The following CAP2 variants were observed in gnomAD, a reference collection of about 807,000 sequenced individuals.
CAP2 encodes adenylyl cyclase-associated protein 2.
CAP2 carries 24 observed loss-of-function variants against 57.7 expected under a neutral mutation model. The observed-to-expected ratio is 0.42, with a 90% CI of 0.30 to 0.58. The LOEUF is 0.58. Among genes scored for constraint, CAP2 ranks in the 20% least tolerant of loss-of-function variants. The pLI, the probability that CAP2 is intolerant of heterozygous loss-of-function variation, is 0.22. For synonymous variants in CAP2, 194 were observed against 207.2 expected (o/e 0.94, Z 0.55); for missense variants, 501 against 590.3 (o/e 0.85, Z 1.57).
chr6:17,445,318 G>A (rs1175130496), intron 3 of CAP2, among the ~76,000 whole-genome samples: 20 of 152,318 alleles, frequency 1.3e-4, no homozygotes, highest in African/African-American at 4.8e-4. Context: ...CGTTGGCCAG[G>A]CTGGTCTTGA....
chr6:17,442,249 C>T (rs988353588), intron 3 of CAP2, among the ~76,000 whole-genome samples: 23 of 152,154 alleles, frequency 1.5e-4, no homozygotes, highest in African/African-American at 4.3e-4. Context: ...CTGGGTTTCA[C>T]CTCCAAGTTG....
intron 1 of CAP2, among the ~76,000 whole-genome samples, chr6:17,394,868 A>T (rs1758630376): frequency 6.6e-6 from 1 of 152,216 alleles, no homozygotes; most frequent in Non-Finnish European, 1.5e-5. Context: ...TACGGCACCA[A>T]ACAGTATTTG....
chr6:17,476,727 TAGAG>T (rs1264413360), intron 4 of CAP2, among the ~76,000 whole-genome samples: 1 of 152,078 alleles, frequency 6.6e-6, no homozygotes, highest in Non-Finnish European at 1.5e-5. Flanking sequence ...GGAGAGAGGA[TAGAG>T]AAAGATAATC....
At chr6:17,452,151 G>A (rs1581530620) in intron 3 of CAP2, among the ~76,000 whole-genome samples, 2 of 152,290 alleles carry the variant, frequency 1.3e-5, no homozygotes, top group South Asian at 4.1e-4. Flanking sequence ...CAGGGTATAG[G>A]TATTTCAGAT....
In CAP2 at chr6:17,423,503, G is replaced by C. The variant is rs1759499137; in HGVS notation, c.121+1827G>C. On this transcript the variant is annotated intron_variant, in intron 2 of 12. Transcript: ENST00000229922. Reference sequence around the variant, plus strand: ...TTCAGTAACTTTGTTTCATTATACTGTTGGCATCAGATGATTAAAGACATT... The same window carrying C: ...TTCAGTAACTTTGTTTCATTATACTCTTGGCATCAGATGATTAAAGACATT... 5.3e-5 allele frequency among the ~76,000 whole-genome samples: 8 copies of C among 152,108 alleles called. No homozygotes were observed. The South Asian group carries it at 1.7e-3, about 32-fold the overall frequency.
At chr6:17,466,179 T>C (rs1259250323) in intron 4 of CAP2, among the ~76,000 whole-genome samples, 1 of 152,222 alleles carries the variant, frequency 6.6e-6, no homozygotes, top group Non-Finnish European at 1.5e-5. Flanking sequence ...TATTTTCTCA[T>C]AGGAACAATT....
chr6:17,413,252 G>A (rs1018935737), intron 1 of CAP2, among the ~76,000 whole-genome samples: 1 of 152,074 alleles, frequency 6.6e-6, no homozygotes, highest in African/African-American at 2.4e-5. Flanking sequence ...TAACTTTCTG[G>A]TCTCAGCTAT....
chr6:17,462,873 T>G, intron 3 of CAP2, 123 bp from the exon 4 acceptor site: 1 of 709,810 alleles, frequency 1.4e-6, no homozygotes, highest in Admixed American at 2.3e-5. Context: ...ATTTACAAGT[T>G]TTTGTGTGAA....
intron 8 of CAP2, 43 bp from the exon 9 acceptor site, chr6:17,540,930 C>T (rs1359405592): frequency 1.9e-6 from 3 of 1,552,034 alleles, no homozygotes; most frequent in Non-Finnish European, 2.6e-6. Flanking sequence ...GAGACATTTC[C>T]CTTTGCATAA....
intron 1 of CAP2, among the ~76,000 whole-genome samples, chr6:17,405,148 C>T (rs555831111): frequency 3.9e-5 from 6 of 152,200 alleles, no homozygotes; most frequent in African/African-American, 1.4e-4. Flanking sequence ...TTTGGGAGGC[C>T]GAGGCGGGTG....
chr6:17,422,474 C>T (rs752559836), intron 2 of CAP2, among the ~76,000 whole-genome samples: 73 of 151,632 alleles, frequency 4.8e-4, no homozygotes, highest in Non-Finnish European at 7.2e-4. Context: ...CTCAGCCTCC[C>T]GGGTAGCTGG....
At chr6:17,434,466 T>C (rs1056995785) in intron 3 of CAP2, among the ~76,000 whole-genome samples, 4 of 152,146 alleles carry the variant, frequency 2.6e-5, no homozygotes, top group Admixed American at 6.5e-5. Flanking sequence ...TGACCTCAAG[T>C]GATCCACCTG....
At chr6:17,482,619 AG>A (rs1761320941) in intron 4 of CAP2, among the ~76,000 whole-genome samples, 2 of 149,712 alleles carry the variant, frequency 1.3e-5, no homozygotes, top group South Asian at 4.2e-4. Context: ...TGACTTCTTG[AG>A]GGTTGCTGGT....
chr6:17,400,585 C>T (rs554740426), intron 1 of CAP2, among the ~76,000 whole-genome samples: 315 of 152,012 alleles, frequency 2.1e-3, no homozygotes, highest in Non-Finnish European at 3.4e-3. Context: ...GATTCTTGGC[C>T]GGGCACAGTG....
rs898072748 is a variant in CAP2 at position 17,511,781 on chromosome 6, A to G, written c.531-2068A>G. ...GTTCTTTCAATATATGAATACAGCA[A>G]GTCATTTATTTTAGCTTTATAGAGG... On this transcript the variant is annotated intron_variant, in intron 6 of 12. Coordinates refer to ENST00000229922, the MANE Select transcript of CAP2 (RefSeq NM_006366.3). Among the ~76,000 whole-genome samples the G allele has an allele frequency of 7.2e-5, 11 of 152,304 alleles. No homozygotes were observed. The South Asian group carries it at 2.3e-3, about 32-fold the overall frequency.
At chr6:17,553,201 G>A (rs186785181) in intron 12 of CAP2, among the ~76,000 whole-genome samples, 246 of 152,290 alleles carry the variant, frequency 1.6e-3, no homozygotes, top group African/African-American at 5.4e-3. Context: ...GCAGACTAAT[G>A]AAGCTGGAAT....
At chr6:17,412,661 G>A (rs1005028574) in intron 1 of CAP2, among the ~76,000 whole-genome samples, 3 of 152,186 alleles carry the variant, frequency 2.0e-5, no homozygotes, top group African/African-American at 4.8e-5. Flanking sequence ...AGTGGAGGGG[G>A]CAAATGGGAT....
At chr6:17,393,835 G>A (rs1292189656) in intron 1 of CAP2, 89 bp downstream of exon 1, 3 of 152,686 alleles carry the variant, frequency 2.0e-5, no homozygotes, top group African/African-American at 7.3e-5. Context: ...CTGGCAAGTT[G>A]AGCCCGATGG....
rs116595163 is a variant in CAP2 at position 17,496,440 on chromosome 6, C to T, written c.301-10729C>T. ...AGCACGGCTCATGTTGAGCTACTCA[C>T]CAAATGAGCTAGTGCTCTATGGGAT... On this transcript the variant is annotated intron_variant, in intron 4 of 12. Coordinates refer to ENST00000229922, the MANE Select transcript of CAP2 (RefSeq NM_006366.3). Among the ~76,000 whole-genome samples, 527 of 152,244 alleles carry T rather than the reference C, an allele frequency of 3.5e-3. 2 individuals carry two copies. Among genetic ancestry groups the T allele is most frequent in the South Asian group, 0.019 (92 of 4,820 alleles).
Sources: gnomAD v4.1 joint callset for allele counts (sites outside exome capture counted in the v4.1 genomes callset) on GRCh38, gnomAD v4.1.1 for gene constraint, MANE v1.5 for transcripts, NCBI Gene and HGNC (gene_info 2026-07-23, HGNC 2026-07-21) for gene names.